The following STXBP5L variants were observed in gnomAD, a reference collection of about 807,000 sequenced individuals.
The protein encoded by STXBP5L is syntaxin-binding protein 5-like.
A neutral mutation model predicts 144.5 loss-of-function variants in STXBP5L; 65 were observed. That is an observed-to-expected ratio of 0.45 (90% CI 0.37 to 0.55). STXBP5L has a LOEUF of 0.55. Among genes scored for constraint, STXBP5L ranks in the 20% least tolerant of loss-of-function variants. STXBP5L has a pLI of 0.00. For missense variants in STXBP5L, 1,298 were observed against 1,405.5 expected, an observed-to-expected ratio of 0.92 and a Z score of 1.22; for synonymous variants, 505 against 469.6, an observed-to-expected ratio of 1.08 and a Z score of -0.97.
rs998552853 is a variant in STXBP5L, at chr3:121,123,001, T to A, written c.669+1297T>A. Among the ~76,000 whole-genome samples the A allele has an allele frequency of 4.0e-5, 6 of 151,652 alleles. No homozygotes were observed. In the East Asian group the frequency reaches 1.2e-3, roughly 29 times the overall value. On this transcript the variant is annotated intron_variant, in intron 7 of 26. Coordinates refer to ENST00000471454, the MANE Select transcript of STXBP5L (RefSeq NM_001308330.2). The stretch of plus-strand genomic sequence containing the variant: ...ATGACTAAATCAGAAAATAGCAATA[T>A]AAACATATTTAGACATATGAAAATA...
chr3:120,994,852 TGTTA>T (rs1305052589), intron 3 of STXBP5L, among the ~76,000 whole-genome samples: 2 of 152,120 alleles, frequency 1.3e-5, no homozygotes, highest in African/African-American at 2.4e-5. Flanking sequence ...GGACAATTGG[TGTTA>T]GTTCTTCATA....
At chr3:121,175,892 C>G (rs908047388) in intron 9 of STXBP5L, among the ~76,000 whole-genome samples, 1 of 150,006 alleles carries the variant, frequency 6.7e-6, no homozygotes, top group Non-Finnish European at 1.5e-5. Context: ...AAATGCCAAC[C>G]AAAAGAAAGC....
intron 3 of STXBP5L, among the ~76,000 whole-genome samples, chr3:120,970,594 G>T (rs757677645): frequency 2.3e-4 from 35 of 151,992 alleles, no homozygotes; most frequent in Non-Finnish European, 3.2e-4. Flanking sequence ...TTGTTGCTTT[G>T]AGTATCCTGT....
At chr3:121,273,174 T>G (rs555218768) in intron 18 of STXBP5L, among the ~76,000 whole-genome samples, 33 of 152,268 alleles carry the variant, frequency 2.2e-4, no homozygotes, top group African/African-American at 7.9e-4. Context: ...TAAGATCCCT[T>G]TAGCATTTCT....
At chr3:121,050,740 A>G (rs1011746597) in intron 5 of STXBP5L, among the ~76,000 whole-genome samples, 9 of 152,218 alleles carry the variant, frequency 5.9e-5, no homozygotes, top group Non-Finnish European at 1.2e-4. Context: ...AACAATATTA[A>G]CTTTCAATAT....
chr3:121,365,367 C>T (rs1376325839), intron 20 of STXBP5L, among the ~76,000 whole-genome samples: 2 of 151,442 alleles, frequency 1.3e-5, no homozygotes, highest in Non-Finnish European at 3.0e-5. Flanking sequence ...GCAGAATACA[C>T]GAGTGAAGCC....
intron 20 of STXBP5L, chr3:121,357,730 A>G (rs1177555729): frequency 6.6e-6 from 1 of 152,232 alleles, no homozygotes; most frequent in Non-Finnish European, 1.5e-5. Context: ...CTGCTGCTGA[A>G]GGCTCTGTAA....
At chr3:121,322,054 C>T (rs1183275888) in intron 20 of STXBP5L, among the ~76,000 whole-genome samples, 2 of 152,110 alleles carry the variant, frequency 1.3e-5, no homozygotes, top group African/African-American at 4.8e-5. Context: ...GGTTGCCATC[C>T]TTATGTCCAT....
chr3:121,051,553 A>G (rs1256796310), intron 5 of STXBP5L, among the ~76,000 whole-genome samples: 1 of 152,236 alleles, frequency 6.6e-6, no homozygotes, highest in Non-Finnish European at 1.5e-5. Flanking sequence ...ACAAAGACAC[A>G]ACATACCAGA....
intron 5 of STXBP5L, among the ~76,000 whole-genome samples, chr3:121,094,427 C>T (rs1447479355): frequency 6.6e-6 from 1 of 151,910 alleles, no homozygotes; most frequent in Admixed American, 6.6e-5. Flanking sequence ...ATAGGTCACT[C>T]AGGACTTGCT....
intron 7 of STXBP5L, among the ~76,000 whole-genome samples, chr3:121,146,308 T>G (rs893342739): frequency 3.3e-5 from 5 of 152,062 alleles, no homozygotes; most frequent in Non-Finnish European, 7.4e-5. Flanking sequence ...CTAATTTACA[T>G]TATAATTTGA....
intron 7 of STXBP5L, among the ~76,000 whole-genome samples, chr3:121,136,501 A>G (rs532306045): frequency 6.6e-6 from 1 of 152,332 alleles, no homozygotes; most frequent in South Asian, 2.1e-4. Flanking sequence ...ATCATTAGGG[A>G]GATCCAAATC....
At chr3:121,125,487 T>G (rs1429166823) in intron 7 of STXBP5L, among the ~76,000 whole-genome samples, 1 of 151,818 alleles carries the variant, frequency 6.6e-6, no homozygotes, top group South Asian at 2.1e-4. Flanking sequence ...AAAATCAAGA[T>G]AATGTCATAG....
chr3:121,355,901 T>C (rs2045493438), intron 20 of STXBP5L, among the ~76,000 whole-genome samples: 1 of 152,192 alleles, frequency 6.6e-6, no homozygotes, highest in South Asian at 2.1e-4. Flanking sequence ...TTGATGTTGA[T>C]GCTATTCCTT....
At chr3:121,229,510 C>T (rs1008933174) in intron 11 of STXBP5L, among the ~76,000 whole-genome samples, 2 of 152,028 alleles carry the variant, frequency 1.3e-5, no homozygotes, top group Admixed American at 6.6e-5. Context: ...TTGCCTGTTA[C>T]ATATCATTAT....
intron 7 of STXBP5L, among the ~76,000 whole-genome samples, chr3:121,140,872 A>G (rs1226703921): frequency 6.6e-6 from 1 of 152,182 alleles, no homozygotes; most frequent in Non-Finnish European, 1.5e-5. Context: ...CTGTTGAAAA[A>G]TATAGAGTGT....
At chr3:121,038,310 A>T (rs1946899641) in intron 3 of STXBP5L, among the ~76,000 whole-genome samples, 1 of 151,980 alleles carries the variant, frequency 6.6e-6, no homozygotes, top group South Asian at 2.1e-4. Context: ...CTTTAGCTGC[A>T]TCTCACACCT....
chr3:121,257,111 C>T lies in STXBP5L; in HGVS notation c.1660-50C>T, dbSNP rs748442068. ...TATTATGACTTAGATTAAATTAAAA[C>T]GATGATTATTAGTGTGACTTAAATT... On this transcript the variant is annotated intron_variant, in intron 16 of 26. Coordinates refer to ENST00000471454, the MANE Select transcript of STXBP5L (RefSeq NM_001308330.2). 2.2e-5 allele frequency: 29 copies of T among 1,338,042 alleles called. No individual in the cohort carries two copies. The East Asian group carries it at 2.3e-4, about 11-fold the overall frequency. 82.9% of individuals were successfully genotyped at this position (1,338,042 alleles called of 1,614,324 possible).
intron 19 of STXBP5L, among the ~76,000 whole-genome samples, chr3:121,294,213 G>T (rs1046806439): frequency 6.6e-6 from 1 of 152,182 alleles, no homozygotes; most frequent in Non-Finnish European, 1.5e-5. Context: ...CTTGACTAGG[G>T]TGATAGCAAC....
Sources: gnomAD v4.1 joint callset for allele counts (sites outside exome capture counted in the v4.1 genomes callset) on GRCh38, gnomAD v4.1.1 for gene constraint, MANE v1.5 for transcripts, NCBI Gene and HGNC (gene_info 2026-07-23, HGNC 2026-07-21) for gene names.